The following USP31 variants were observed in gnomAD, a reference collection of about 807,000 sequenced individuals.
USP31 encodes the protein ubiquitin specific peptidase 31.
Under a neutral mutation model 119.4 loss-of-function variants are expected in USP31, and 44 were observed. That is an observed-to-expected ratio of 0.37 (90% confidence interval 0.29 to 0.47). The LOEUF (loss-of-function observed/expected upper bound fraction) is 0.47, where lower values mean the gene tolerates loss of function less well. Ranked by LOEUF, USP31 falls within the 20% of genes least tolerant of loss-of-function variation. The pLI, the probability that USP31 is intolerant of heterozygous loss-of-function variation, is 0.99. For synonymous variants in USP31, 749 were observed against 705.6 expected, an observed-to-expected ratio of 1.06 and a Z score of -0.97; for missense variants, 1,643 against 1,730.2, an observed-to-expected ratio of 0.95 and a Z score of 0.89.
At chr16:23,124,459 A>T (rs543711616) in intron 1 of USP31, among the ~76,000 whole-genome samples, 1 of 152,214 alleles carries the variant, frequency 6.6e-6, no homozygotes, top group Non-Finnish European at 1.5e-5. Flanking sequence ...ACGACGATAC[A>T]ATGGCACAGA....
intron 6 of USP31, among the ~76,000 whole-genome samples, chr16:23,100,054 C>A (rs1011462139): frequency 6.6e-6 from 1 of 152,162 alleles, no homozygotes; most frequent in African/African-American, 2.4e-5. Context: ...CGTAGAGAAA[C>A]TGGAACCCTC....
intron 1 of USP31, among the ~76,000 whole-genome samples, chr16:23,127,847 A>C (rs1902913551): frequency 6.6e-6 from 1 of 152,210 alleles, no homozygotes; most frequent in African/African-American, 2.4e-5. Flanking sequence ...AAGTAACTTT[A>C]AAACACAGTA....
chr16:23,115,587 T>C (rs568595591), intron 1 of USP31, among the ~76,000 whole-genome samples: 1 of 152,326 alleles, frequency 6.6e-6, no homozygotes, highest in South Asian at 2.1e-4. Flanking sequence ...TTTTACAGAA[T>C]GTGGGTATAG....
At chr16:23,126,320 T>TAAAAA (rs71279502) in intron 1 of USP31, among the ~76,000 whole-genome samples, 3 of 107,168 alleles carry the variant, frequency 2.8e-5, no homozygotes, top group Non-Finnish European at 3.9e-5. Flanking sequence ...CCTGTCTCTT[T>TAAAAA]AAAAAAAAAA....
In USP31 at chr16:23,061,570, A is replaced by G. The variant is rs1899831990; in HGVS notation, c.*6476T>C. 1 of 152,706 alleles carries G rather than the reference A, an allele frequency of 6.5e-6. No homozygotes were observed. Among genetic ancestry groups the G allele is most frequent in the South Asian group, 2.1e-4 (1 of 4,834 alleles). The allele number at this position is 152,706 out of a possible 1,614,324, so 9.5% of individuals were successfully genotyped here. On this transcript the variant is annotated 3_prime_UTR_variant, in exon 16 of 16. Coordinates refer to ENST00000219689, the MANE Select transcript of USP31 (RefSeq NM_020718.4). ...TAAAAGTGCATACACTTTGAATAAT[A>G]AAACATACAAATAAATAACAGAAAT...
intron 6 of USP31, among the ~76,000 whole-genome samples, chr16:23,092,620 GCAATAAAACTAGAAA>G (rs1901417196): frequency 6.6e-6 from 1 of 152,178 alleles, no homozygotes. Flanking sequence ...TTACTGTAAT[GCAATAAAACTAGAAA>G]CAATCCAAAC....
chr16:23,105,460 G>A lies in USP31; in HGVS notation c.1070C>T (p.Thr357Ile). Reference sequence around the variant, plus strand: ...TATTACCTGATCAGTGGGGATCTTTGTTTCCATAGACACTGCTTCCCGAAG... The same window carrying A: ...TATTACCTGATCAGTGGGGATCTTTATTTCCATAGACACTGCTTCCCGAAG... ...ARLREAVSMETKIPTDQIVLT... is the reference protein window; with the variant it reads ...ARLREAVSMEIKIPTDQIVLT... The change falls in exon 5 of 16, where the codon ACA becomes ATA. Residue 357 changes from threonine (T) to isoleucine (I), a missense_variant. By Grantham distance (89) the Thr-to-Ile change is moderately conservative. Coordinates refer to ENST00000219689, the MANE Select transcript of USP31 (RefSeq NM_020718.4). 6.2e-7 allele frequency: 1 copy of A among 1,613,936 alleles called. No individual in the cohort carries two copies. The highest frequency in any genetic ancestry group is 8.5e-7 in the Non-Finnish European group (1 of 1,179,956).
At chr16:23,116,634 C>A (rs144635495) in intron 1 of USP31, among the ~76,000 whole-genome samples, 40 of 152,308 alleles carry the variant, frequency 2.6e-4, no homozygotes, top group African/African-American at 8.9e-4. Context: ...GACTGAGAGG[C>A]CCCTAATATT....
rs1901921582 is a variant in USP31 at position 23,102,472 on chromosome 16, A to G, written c.1090-9T>C. On this transcript the variant is annotated splice_polypyrimidine_tract_variant and intron_variant, in intron 5 of 15. Transcript: ENST00000219689. ...ATTTCTGTTAACACAATCTAAAAATAGGAAAAATGTAAACAGGTGGGTAAC... is the reference window on the plus strand; with the variant it reads ...ATTTCTGTTAACACAATCTAAAAATGGGAAAAATGTAAACAGGTGGGTAAC... The G allele has an allele frequency of 6.3e-7, 1 of 1,599,638 alleles. No homozygotes were observed. Among genetic ancestry groups the G allele is most frequent in the African/African-American group, 1.3e-5 (1 of 74,100 alleles).
At chr16:23,143,870 G>A (rs999634391) in intron 1 of USP31, among the ~76,000 whole-genome samples, 1 of 152,060 alleles carries the variant, frequency 6.6e-6, no homozygotes, top group Non-Finnish European at 1.5e-5. Context: ...ATCGACAAAT[G>A]TCCCAGGGGG....
chr16:23,082,842 T>C (rs1201342603), intron 11 of USP31, among the ~76,000 whole-genome samples: 11 of 149,888 alleles, frequency 7.3e-5, no homozygotes, highest in Non-Finnish European at 1.6e-4. Context: ...TTTTTTTTTT[T>C]TTTTTTGAAA....
intron 1 of USP31, among the ~76,000 whole-genome samples, chr16:23,129,949 G>T (rs1461746325): frequency 2.6e-5 from 4 of 152,162 alleles, no homozygotes; most frequent in African/African-American, 9.7e-5. Flanking sequence ...GTAGTCAGGG[G>T]ACTGTGAAAT....
chr16:23,136,301 G>GA (rs1225504501), intron 1 of USP31, among the ~76,000 whole-genome samples: 1 of 152,138 alleles, frequency 6.6e-6, no homozygotes, highest in Non-Finnish European at 1.5e-5. Flanking sequence ...ATGATCTATT[G>GA]AATATGAACA....
chr16:23,124,288 T>C (rs1018444120), intron 1 of USP31, among the ~76,000 whole-genome samples: 7 of 152,140 alleles, frequency 4.6e-5, no homozygotes, highest in Admixed American at 6.5e-5. Context: ...ATTCTCACCC[T>C]GGCAAAGAGT....
intron 1 of USP31, among the ~76,000 whole-genome samples, chr16:23,134,916 A>G (rs1903143241): frequency 6.8e-6 from 1 of 146,706 alleles, no homozygotes; most frequent in African/African-American, 2.5e-5. Context: ...ACACACACAC[A>G]TATTCTATAG....
chr16:23,122,439 C>T (rs1446289500), intron 1 of USP31, among the ~76,000 whole-genome samples: 2 of 152,130 alleles, frequency 1.3e-5, no homozygotes, highest in Non-Finnish European at 2.9e-5. Context: ...TACCATATGA[C>T]CCAGCAATTC....
At chr16:23,112,734 TA>T (rs1171032974) in intron 1 of USP31, among the ~76,000 whole-genome samples, 5 of 151,598 alleles carry the variant, frequency 3.3e-5, no homozygotes, top group South Asian at 4.2e-4. Context: ...TTCCTAATTT[TA>T]AAAAAATGAA....
chr16:23,118,756 G>A (rs1026503123), intron 1 of USP31, among the ~76,000 whole-genome samples: 4 of 152,148 alleles, frequency 2.6e-5, no homozygotes, highest in African/African-American at 9.7e-5. Flanking sequence ...TACTTATTGA[G>A]TGCTTATACT....
Position 23,126,500 on chromosome 16 carries a change from G to A in USP31, c.634-18317C>T, listed in dbSNP as rs369279559. ...AAATTAGCTGGGCATGGTGGCGGGCGCCTATAATCCCAGCTACTTGGGAGG... is the reference window on the plus strand; with the variant it reads ...AAATTAGCTGGGCATGGTGGCGGGCACCTATAATCCCAGCTACTTGGGAGG... On this transcript the variant is annotated intron_variant, in intron 1 of 15. Coordinates refer to ENST00000219689, the MANE Select transcript of USP31 (RefSeq NM_020718.4). Among the ~76,000 whole-genome samples, 389 of 150,914 alleles carry A rather than the reference G, an allele frequency of 2.6e-3. 3 individuals carry two copies. The highest frequency in any genetic ancestry group is 5.5e-3 in the Admixed American group (83 of 15,144).
Sources: allele counts gnomAD v4.1 joint callset (sites outside exome capture counted in the v4.1 genomes callset), GRCh38; gene constraint gnomAD v4.1.1; transcripts MANE v1.5; gene names NCBI Gene and HGNC (gene_info 2026-07-23, HGNC 2026-07-21).